SLC60A1: variants seen among roughly 807,000 people sequenced by gnomAD.
The protein encoded by SLC60A1 is solute carrier family 60 member 1, also known as major facilitator superfamily domain containing 4.
chr1:205,586,499 C>T, the SLC60A1 span, among the ~76,000 whole-genome samples: 2 of 151,990 alleles, frequency 1.3e-5, no homozygotes, highest in Non-Finnish European at 2.9e-5. Context: ...TGTGTGGAGC[C>T]CATCCCAGCC....
chr1:205,572,848 T>C, the SLC60A1 span, among the ~76,000 whole-genome samples: 1 of 152,326 alleles, frequency 6.6e-6, no homozygotes. Flanking sequence ...CCCCAAAGAA[T>C]TGAAAATGTA....
At chr1:205,586,051 C>T in the SLC60A1 span, 35 of 1,602,126 alleles carry the variant, frequency 2.2e-5, no homozygotes, top group Admixed American at 3.6e-5. Context: ...ATTCCGCCTT[C>T]GTGTACAGCT....
the SLC60A1 span, chr1:205,584,970 G>C: frequency 1.4e-5 from 22 of 1,613,798 alleles, no homozygotes; most frequent in East Asian, 4.0e-4. Flanking sequence ...CCCTGGTACT[G>C]TTCATGACGG....
chr1:205,571,899 C>T, the SLC60A1 span, among the ~76,000 whole-genome samples: 12 of 152,010 alleles, frequency 7.9e-5, no homozygotes, highest in Middle Eastern at 6.3e-3. Flanking sequence ...CCAGCTGTTG[C>T]GGGGGAGTGG....
At chr1:205,576,201 G>A in the SLC60A1 span, among the ~76,000 whole-genome samples, 1 of 152,176 alleles carries the variant, frequency 6.6e-6, no homozygotes, top group Non-Finnish European at 1.5e-5. Flanking sequence ...ATAGGGGCAG[G>A]CCTGGGAGGG....
the SLC60A1 span, chr1:205,597,917 C>T: frequency 6.8e-7 from 1 of 1,471,214 alleles, no homozygotes; most frequent in Non-Finnish European, 9.5e-7. Flanking sequence ...TGAGAAGATG[C>T]AGATAGCCAC....
chr1:205,577,954 C>T, the SLC60A1 span, among the ~76,000 whole-genome samples: 22 of 152,316 alleles, frequency 1.4e-4, no homozygotes, highest in East Asian at 5.8e-4. The surrounding 1 kb of genome is among the most constrained non-coding windows in gnomAD (Gnocchi z 5.2). Context: ...GTCAGCAGAC[C>T]GTAGTACTCG....
the SLC60A1 span, among the ~76,000 whole-genome samples, chr1:205,589,904 C>T: frequency 2.6e-5 from 4 of 152,214 alleles, no homozygotes; most frequent in African/African-American, 4.8e-5. Flanking sequence ...GTACAAGGAT[C>T]GAACATGTTT....
the SLC60A1 span, chr1:205,585,140 T>C: frequency 3.1e-6 from 2 of 640,782 alleles, no homozygotes; most frequent in African/African-American, 3.7e-5. This position sits in a 1 kb window ranked among gnomAD's most constrained non-coding sequence, Gnocchi z 4.2. Flanking sequence ...TCTGAAGTCC[T>C]AGGGTGACTG....
chr1:205,587,653 G>A, the SLC60A1 span, among the ~76,000 whole-genome samples: 1 of 152,162 alleles, frequency 6.6e-6, no homozygotes, highest in African/African-American at 2.4e-5. Flanking sequence ...AGGAGTCTGT[G>A]AAAATACCAT....
the SLC60A1 span, among the ~76,000 whole-genome samples, chr1:205,596,690 A>G: frequency 6.6e-6 from 1 of 151,682 alleles, no homozygotes; most frequent in African/African-American, 2.4e-5. Context: ...GGGAGAGAGA[A>G]GCCTGAGCCA....
the SLC60A1 span, chr1:205,602,056 G>C: frequency 6.6e-6 from 1 of 152,320 alleles, no homozygotes; most frequent in East Asian, 1.9e-4. Context: ...AGTGATACAA[G>C]GAGAATGTAA....
the SLC60A1 span, among the ~76,000 whole-genome samples, chr1:205,575,050 C>T: frequency 6.6e-6 from 1 of 152,156 alleles, no homozygotes; most frequent in Admixed American, 6.5e-5. Context: ...CTGGCCTTGC[C>T]CTCAGTCTCA....
chr1:205,602,068 C>T, the SLC60A1 span: 2 of 152,234 alleles, frequency 1.3e-5, no homozygotes, highest in African/African-American at 4.8e-5. Context: ...AGAATGTAAA[C>T]TTGCCAGCTT....
the SLC60A1 span, among the ~76,000 whole-genome samples, chr1:205,582,076 A>T: frequency 6.6e-6 from 1 of 152,146 alleles, no homozygotes; most frequent in African/African-American, 2.4e-5. Flanking sequence ...GGGGGCTCTC[A>T]TAAACCCACC....
chr1:205,594,506 A>T, the SLC60A1 span, among the ~76,000 whole-genome samples: 48,390 of 151,954 alleles, frequency 0.32, 8,741 homozygotes, highest in Non-Finnish European at 0.41. Context: ...AAGTACAAAA[A>T]TTAGCTAGGC....
the SLC60A1 span, among the ~76,000 whole-genome samples, chr1:205,580,334 G>T: frequency 2.6e-5 from 4 of 152,078 alleles, no homozygotes; most frequent in African/African-American, 4.8e-5. The surrounding 1 kb of genome is among the most constrained non-coding windows in gnomAD (Gnocchi z 5.0). Context: ...TCCCTTTAGG[G>T]TGTTAGCTGG....
the SLC60A1 span, among the ~76,000 whole-genome samples, chr1:205,595,951 G>A: frequency 2.0e-5 from 3 of 152,172 alleles, no homozygotes; most frequent in African/African-American, 7.2e-5. Context: ...GCTTCATAGA[G>A]GGGATGGGAT....
At chr1:205,574,299 G>T in the SLC60A1 span, among the ~76,000 whole-genome samples, 1 of 151,874 alleles carries the variant, frequency 6.6e-6, no homozygotes. Context: ...TTTTAAATTA[G>T]CTGGGCATGG....
Sources: gnomAD v4.1 joint callset for allele counts (sites outside exome capture counted in the v4.1 genomes callset) on GRCh38, gnomAD v4.1.1 for gene constraint, Gnocchi (gnomAD v3.1) non-coding constraint, MANE v1.5 for transcripts, NCBI Gene and HGNC (gene_info 2026-07-23, HGNC 2026-07-21) for gene names.